APBA1: variants seen among roughly 807,000 people sequenced by gnomAD.
APBA1 encodes amyloid beta precursor protein binding family A member 1.
Under a neutral mutation model 86.6 loss-of-function variants are expected in APBA1, and 55 were observed. The ratio of observed to expected loss-of-function variants is 0.64; its 90% CI spans 0.51 to 0.80. APBA1 has a LOEUF of 0.80. Among genes scored for constraint, APBA1 ranks in the 30% least tolerant of loss-of-function variants. APBA1 has a pLI of 0.00. For missense variants in APBA1, 1,090 were observed against 1,183.0 expected (o/e 0.92, Z 1.15); for synonymous variants, 511 against 493.9 (o/e 1.03, Z -0.46).
At chr9:69,618,651 G>A (rs1459033673) in intron 1 of APBA1, among the ~76,000 whole-genome samples, 2 of 152,194 alleles carry the variant, frequency 1.3e-5, no homozygotes, top group Non-Finnish European at 2.9e-5. Flanking sequence ...ACCAGGTAGG[G>A]CAGAACCAGA....
intron 1 of APBA1, among the ~76,000 whole-genome samples, chr9:69,656,823 A>T (rs1315961912): frequency 6.6e-6 from 1 of 150,864 alleles, no homozygotes; most frequent in Non-Finnish European, 1.5e-5. Flanking sequence ...TCACCACTTA[A>T]GAATAACCGG....
intron 1 of APBA1, among the ~76,000 whole-genome samples, chr9:69,539,219 A>C (rs1401275652): frequency 1.3e-5 from 2 of 152,188 alleles, no homozygotes; most frequent in African/African-American, 4.8e-5. Flanking sequence ...GAAATTTACA[A>C]TGACAGCTCA....
intron 1 of APBA1, among the ~76,000 whole-genome samples, chr9:69,605,820 G>A (rs1208829322): frequency 2.0e-5 from 3 of 152,200 alleles, no homozygotes; most frequent in African/African-American, 7.2e-5. Flanking sequence ...GTTCCATGAG[G>A]TCACAGATGT....
At chr9:69,567,451 T>C (rs948543332) in intron 1 of APBA1, among the ~76,000 whole-genome samples, 7 of 152,148 alleles carry the variant, frequency 4.6e-5, no homozygotes, top group Non-Finnish European at 1.5e-5. Context: ...TACTTTAAGT[T>C]CTAGGGTACA....
At chr9:69,580,560 T>G (rs1335245412) in intron 1 of APBA1, among the ~76,000 whole-genome samples, 1 of 152,172 alleles carries the variant, frequency 6.6e-6, no homozygotes, top group African/African-American at 2.4e-5. Flanking sequence ...ACCCTATTAT[T>G]CTGGCAAAGC....
chr9:69,630,405 A>G (rs146107111), intron 1 of APBA1, among the ~76,000 whole-genome samples: 59 of 152,224 alleles, frequency 3.9e-4, no homozygotes, highest in Middle Eastern at 3.4e-3. Flanking sequence ...TCTGCTCATC[A>G]GTTTCAAACA....
intron 1 of APBA1, among the ~76,000 whole-genome samples, chr9:69,611,299 A>AAG (rs1554706291): frequency 2.7e-5 from 4 of 148,410 alleles, no homozygotes; most frequent in Non-Finnish European, 5.9e-5. Context: ...AAAAAAAAAA[A>AAG]AAAAACAAAA....
chr9:69,627,809 A>T (rs1207495370), intron 1 of APBA1, among the ~76,000 whole-genome samples: 1 of 152,182 alleles, frequency 6.6e-6, no homozygotes, highest in East Asian at 1.9e-4. Context: ...AGAAAAAATA[A>T]GTCTGAAATT....
At position 69,441,094 on chromosome 9, in the gene APBA1, C is replaced by T; in HGVS notation, c.2203G>A (p.Val735Ile). The T allele has an allele frequency of 6.2e-7, 1 of 1,614,086 alleles. No individual in the cohort carries two copies. The highest frequency in any genetic ancestry group is 8.5e-7 in the Non-Finnish European group (1 of 1,180,024). ...IIKGLKNQSR[V>I]KLNIVRCPPV... The stretch of plus-strand genomic sequence containing the variant: ...GGACATCTCACGATATTCAGCTTGA[C>T]TCGGGACTGATTCTTTAAGCCCTTA... The change falls in exon 11 of 13, where the codon GTC becomes ATC. Residue 735 changes from valine to isoleucine, a missense_variant. Transcript: ENST00000265381.
Position 69,663,179 on chromosome 9 carries a change from G to C in APBA1, c.-70+8974C>G, listed in dbSNP as rs1823784685. On this transcript the variant is annotated intron_variant, in intron 1 of 12. Transcript: ENST00000265381. Reference sequence around the variant, plus strand: ...CAAACATACAGAACAGAAGAGAATAGGATAGGAAGCATCAGGGTGGATTAC... The same window carrying C: ...CAAACATACAGAACAGAAGAGAATACGATAGGAAGCATCAGGGTGGATTAC... Among the ~76,000 whole-genome samples, 3 of 152,212 alleles carry C rather than the reference G, an allele frequency of 2.0e-5. No individual in the cohort carries two copies. In the South Asian group the frequency reaches 6.2e-4, roughly 32 times the overall value.
intron 5 of APBA1, chr9:69,463,329 G>A (rs1449187720): frequency 6.6e-6 from 1 of 152,190 alleles, no homozygotes; most frequent in Non-Finnish European, 1.5e-5. Flanking sequence ...CACAGCAACA[G>A]TTGGCATTTG....
At chr9:69,583,751 C>T (rs976790896) in intron 1 of APBA1, among the ~76,000 whole-genome samples, 1 of 152,212 alleles carries the variant, frequency 6.6e-6, no homozygotes, top group African/African-American at 2.4e-5. Flanking sequence ...ACCTCCTCTG[C>T]CCCAATTAGG....
At chr9:69,628,559 A>G (rs1301474375) in intron 1 of APBA1, among the ~76,000 whole-genome samples, 2 of 152,234 alleles carry the variant, frequency 1.3e-5, no homozygotes, top group African/African-American at 4.8e-5. Context: ...AGACAGTGAC[A>G]GGCAGAGTCA....
At chr9:69,459,422 T>A (rs1290428665) in intron 5 of APBA1, among the ~76,000 whole-genome samples, 1 of 152,250 alleles carries the variant, frequency 6.6e-6, no homozygotes, top group Non-Finnish European at 1.5e-5. Flanking sequence ...GATTTGTCTG[T>A]GTATCCTGAT....
intron 1 of APBA1, among the ~76,000 whole-genome samples, chr9:69,601,823 C>T (rs1181879307): frequency 2.0e-5 from 3 of 152,194 alleles, no homozygotes; most frequent in Non-Finnish European, 4.4e-5. Flanking sequence ...GACTCAGAAA[C>T]AAAACTACTT....
chr9:69,512,061 C>G (rs1406541823), intron 2 of APBA1, among the ~76,000 whole-genome samples: 1 of 146,416 alleles, frequency 6.8e-6, no homozygotes, highest in Non-Finnish European at 1.5e-5. Flanking sequence ...TACCCTAAAA[C>G]TTAAAGTATA....
intron 1 of APBA1, among the ~76,000 whole-genome samples, chr9:69,670,333 A>G (rs1823922426): frequency 6.6e-6 from 1 of 152,236 alleles, no homozygotes; most frequent in African/African-American, 2.4e-5. Flanking sequence ...AAATTTTAAA[A>G]AAGAAAAATA....
intron 1 of APBA1, among the ~76,000 whole-genome samples, chr9:69,634,682 A>G (rs1227842354): frequency 6.6e-6 from 1 of 152,182 alleles, no homozygotes; most frequent in Non-Finnish European, 1.5e-5. Context: ...ATAATAATCA[A>G]ACTCCCAAAG....
intron 1 of APBA1, among the ~76,000 whole-genome samples, chr9:69,578,511 C>T (rs1490106841): frequency 6.6e-6 from 1 of 152,182 alleles, no homozygotes; most frequent in Non-Finnish European, 1.5e-5. Flanking sequence ...ATAAAAGGGG[C>T]TTTGAGGTGG....
Sources: allele counts gnomAD v4.1 joint callset (sites outside exome capture counted in the v4.1 genomes callset), GRCh38; gene constraint gnomAD v4.1.1; transcripts MANE v1.5; gene names NCBI Gene and HGNC (gene_info 2026-07-23, HGNC 2026-07-21).